The following FNDC3B variants were observed in gnomAD, a reference collection of about 807,000 sequenced individuals.
The protein encoded by FNDC3B is fibronectin type III domain containing 3B, also known as fibronectin type III domain-containing protein 3B.
In FNDC3B, 12 loss-of-function variants were observed where a neutral mutation model predicts 151.5. That is an observed-to-expected ratio of 0.08 (90% CI 0.05 to 0.13). FNDC3B has a LOEUF of 0.13. FNDC3B is among the 10% of genes least tolerant of loss of function. FNDC3B has a pLI of 1.00. For missense variants in FNDC3B, 1,214 were observed against 1,505.3 expected (o/e 0.81, Z 3.20); for synonymous variants, 528 against 549.0 (o/e 0.96, Z 0.54).
intron 1 of FNDC3B, among the ~76,000 whole-genome samples, chr3:172,092,464 GA>G (rs2108511979): frequency 6.6e-6 from 1 of 152,328 alleles, no homozygotes; most frequent in East Asian, 1.9e-4. Flanking sequence ...GTAAAACGTG[GA>G]CTGAATGGAG....
chr3:172,267,939 A>G (rs1266556004), intron 6 of FNDC3B, among the ~76,000 whole-genome samples: 1 of 152,164 alleles, frequency 6.6e-6, no homozygotes, highest in Non-Finnish European at 1.5e-5. Flanking sequence ...TAATTAATTT[A>G]ATTTTGAAGA....
At chr3:172,102,013 A>T (rs1469560043) in intron 1 of FNDC3B, among the ~76,000 whole-genome samples, 3 of 152,118 alleles carry the variant, frequency 2.0e-5, no homozygotes, top group Non-Finnish European at 4.4e-5. Context: ...TTTGAAAGTT[A>T]CCTTTTGATA....
intron 9 of FNDC3B, among the ~76,000 whole-genome samples, chr3:172,299,875 A>G (rs1730819224): frequency 6.6e-6 from 1 of 152,238 alleles, no homozygotes; most frequent in Non-Finnish European, 1.5e-5. Flanking sequence ...ACGCTCTGCC[A>G]TGATTTTCTC....
chr3:172,106,837 A>G (rs943083000), intron 1 of FNDC3B, among the ~76,000 whole-genome samples: 1 of 152,142 alleles, frequency 6.6e-6, no homozygotes, highest in Non-Finnish European at 1.5e-5. Flanking sequence ...AGACTTGGAG[A>G]AGAGGAAGCA....
In FNDC3B at chr3:172,359,610, C is replaced by A. The variant is rs541654944; in HGVS notation, c.2796-3023C>A. On this transcript the variant is annotated intron_variant, in intron 22 of 25. Transcript: ENST00000415807. ...AAGGGAAAGAGGATAGTAATTTCTACCATCATGATGACTGCCTTTTTAAAA... is the reference window on the plus strand; with the variant it reads ...AAGGGAAAGAGGATAGTAATTTCTAACATCATGATGACTGCCTTTTTAAAA... Among the ~76,000 whole-genome samples, 33 of 152,200 alleles carry A rather than the reference C, an allele frequency of 2.2e-4. No homozygotes were observed. In the East Asian group the frequency reaches 5.0e-3, roughly 23 times the overall value.
chr3:172,210,669 T>G (rs1025296045), intron 3 of FNDC3B, among the ~76,000 whole-genome samples: 1 of 152,150 alleles, frequency 6.6e-6, no homozygotes, highest in Non-Finnish European at 1.5e-5. Flanking sequence ...TCTGCACTTT[T>G]GTAGTATTTT....
At chr3:172,280,378 C>T (rs9812354) in intron 6 of FNDC3B, among the ~76,000 whole-genome samples, 79,807 of 152,042 alleles carry the variant, frequency 0.52, 24,004 homozygotes, top group African/African-American at 0.84. Flanking sequence ...TGTTTGTTTT[C>T]ATATTGATTG....
intron 6 of FNDC3B, among the ~76,000 whole-genome samples, chr3:172,270,490 T>C (rs1050663714): frequency 1.3e-5 from 2 of 152,218 alleles, no homozygotes; most frequent in African/African-American, 4.8e-5. Context: ...GCCCTCTCTA[T>C]TCTCTCTCTT....
intron 3 of FNDC3B, among the ~76,000 whole-genome samples, chr3:172,216,286 A>C (rs1725972119): frequency 6.6e-6 from 1 of 152,188 alleles, no homozygotes; most frequent in Non-Finnish European, 1.5e-5. Flanking sequence ...TTTAAGTATA[A>C]ATAAGCCTAT....
At chr3:172,165,364 G>A (rs1256830901) in intron 3 of FNDC3B, among the ~76,000 whole-genome samples, 3 of 152,116 alleles carry the variant, frequency 2.0e-5, no homozygotes, top group Non-Finnish European at 4.4e-5. Context: ...AGTCAATTCT[G>A]TATGTCAATT....
At chr3:172,122,505 G>A (rs1317266978) in intron 2 of FNDC3B, among the ~76,000 whole-genome samples, 2 of 152,208 alleles carry the variant, frequency 1.3e-5, no homozygotes, top group Non-Finnish European at 2.9e-5. Flanking sequence ...TAGACATGGT[G>A]GGTCCCCAGA....
chr3:172,098,251 T>C (rs963373696), intron 1 of FNDC3B, among the ~76,000 whole-genome samples: 1 of 152,158 alleles, frequency 6.6e-6, no homozygotes, highest in African/African-American at 2.4e-5. Flanking sequence ...CTGAGGCTAG[T>C]AGTTTAGTAT....
intron 3 of FNDC3B, among the ~76,000 whole-genome samples, chr3:172,192,430 C>A (rs1466874922): frequency 6.6e-6 from 1 of 151,866 alleles, no homozygotes; most frequent in Non-Finnish European, 1.5e-5. Context: ...TGTGATCCGC[C>A]CGCCTCGGCC....
At chr3:172,371,936 A>T (rs186920953) in intron 23 of FNDC3B, among the ~76,000 whole-genome samples, 1 of 152,242 alleles carries the variant, frequency 6.6e-6, no homozygotes, top group African/African-American at 2.4e-5. Flanking sequence ...TAATATTTAC[A>T]TAGTATTAAA....
At chr3:172,055,152 T>C (rs1716851028) in intron 1 of FNDC3B, among the ~76,000 whole-genome samples, 1 of 152,198 alleles carries the variant, frequency 6.6e-6, no homozygotes, top group Non-Finnish European at 1.5e-5. Context: ...AGTTCATCTT[T>C]AAAAAATCCT....
intron 1 of FNDC3B, among the ~76,000 whole-genome samples, chr3:172,106,019 A>C (rs751083680): frequency 4.9e-4 from 75 of 152,354 alleles, no homozygotes; most frequent in Non-Finnish European, 7.5e-4. Context: ...GAGTACTTGG[A>C]ATCACAGTTA....
rs1715909579 is a variant in FNDC3B at position 172,039,600 on chromosome 3, T to A, written c.-200T>A. 1 of 155,636 alleles carries A rather than the reference T, an allele frequency of 6.4e-6. No individual in the cohort carries two copies. The highest frequency in any genetic ancestry group is 1.4e-5 in the Non-Finnish European group (1 of 70,492). The allele number at this position is 155,636 out of a possible 1,614,324, so 9.6% of individuals were successfully genotyped here. ...ATCATTGACATGGCGGAATCCCCCA[T>A]CAAACCCTCCTGGTAGTTATTTGAG... is the stretch of plus-strand genomic sequence containing the variant. On this transcript the variant is annotated 5_prime_UTR_variant, in exon 1 of 26. Transcript: ENST00000415807.
In FNDC3B at chr3:172,330,534, T is replaced by C; in HGVS notation, c.1380-7T>C. On this transcript the variant is annotated splice_region_variant and splice_polypyrimidine_tract_variant and intron_variant, in intron 12 of 25. Coordinates refer to ENST00000415807, the MANE Select transcript of FNDC3B (RefSeq NM_022763.4). ...CTAACTGTGTGCCTCACTTTCTTTCTCTACAGTGGTTATAGCCAAGAGGTG... is the reference window on the plus strand; with the variant it reads ...CTAACTGTGTGCCTCACTTTCTTTCCCTACAGTGGTTATAGCCAAGAGGTG... 1 of 1,605,066 alleles carries C rather than the reference T, an allele frequency of 6.2e-7. No individual in the cohort carries two copies. The highest frequency in any genetic ancestry group is 8.5e-7 in the Non-Finnish European group (1 of 1,174,300).
chr3:172,229,034 A>G (rs763304800), intron 4 of FNDC3B, among the ~76,000 whole-genome samples: 1 of 151,044 alleles, frequency 6.6e-6, no homozygotes, highest in Non-Finnish European at 1.5e-5. Flanking sequence ...TGTTATCACC[A>G]AGAGATAGGA....
Sources: allele counts gnomAD v4.1 joint callset (sites outside exome capture counted in the v4.1 genomes callset), GRCh38; gene constraint gnomAD v4.1.1; transcripts MANE v1.5; gene names NCBI Gene and HGNC (gene_info 2026-07-23, HGNC 2026-07-21).